Variants in GPC6 observed in about 807,000 individuals in gnomAD.
GPC6 encodes the protein glypican-6.
In GPC6, 14 loss-of-function variants were observed where a neutral mutation model predicts 55.2. The ratio of observed to expected loss-of-function variants is 0.25; its 90% CI spans 0.17 to 0.40. The LOEUF is 0.40. Among genes scored for constraint, GPC6 ranks in the 10% least tolerant of loss-of-function variants. GPC6 has a pLI of 1.00. For missense variants in GPC6, 641 were observed against 708.5 expected (o/e 0.90, Z 1.08); for synonymous variants, 278 against 259.6 (o/e 1.07, Z -0.68).
chr13:93,951,103 G>A (rs1207375513), intron 3 of GPC6, among the ~76,000 whole-genome samples: 1 of 152,048 alleles, frequency 6.6e-6, no homozygotes, highest in Non-Finnish European at 1.5e-5. Context: ...AATTTTAAAT[G>A]TAACTTACAT....
chr13:94,175,945 T>C (rs1168351129), intron 4 of GPC6, among the ~76,000 whole-genome samples: 1 of 105,210 alleles, frequency 9.5e-6, no homozygotes, highest in East Asian at 2.3e-4. Context: ...GCCATATATA[T>C]ATATATATAT....
rs1879720127 is a variant in GPC6, at chr13:94,374,112, G to C, written c.1153-8302G>C. Among the ~76,000 whole-genome samples the C allele has an allele frequency of 2.0e-5, 3 of 151,990 alleles. No individual in the cohort carries two copies. The South Asian group carries it at 6.2e-4, about 32-fold the overall frequency. ...CCGATACCAGCCACTGCAAAATCAT[G>C]CCAAAGTGTAAAGACCATCGAGACT... is the stretch of plus-strand genomic sequence containing the variant. On this transcript the variant is annotated intron_variant, in intron 6 of 8. Coordinates refer to ENST00000377047, the MANE Select transcript of GPC6 (RefSeq NM_005708.5).
intron 1 of GPC6, among the ~76,000 whole-genome samples, chr13:93,283,514 A>T (rs938924860): frequency 6.6e-6 from 1 of 152,176 alleles, no homozygotes; most frequent in Non-Finnish European, 1.5e-5. Context: ...CTAAACTCAT[A>T]TGACAAATGG....
At chr13:93,912,600 T>A (rs369000682) in intron 3 of GPC6, among the ~76,000 whole-genome samples, 8 of 151,882 alleles carry the variant, frequency 5.3e-5, no homozygotes, top group East Asian at 3.9e-4. Context: ...AAAATTAGCC[T>A]GGTGTGGTGG....
chr13:93,510,728 C>T (rs929782991), intron 1 of GPC6, among the ~76,000 whole-genome samples: 2 of 151,384 alleles, frequency 1.3e-5, no homozygotes, highest in African/African-American at 4.8e-5. Context: ...TTTGAATAAT[C>T]TCCACACTGT....
At chr13:93,287,203 G>A (rs1878162143) in intron 1 of GPC6, among the ~76,000 whole-genome samples, 1 of 151,966 alleles carries the variant, frequency 6.6e-6, no homozygotes, top group African/African-American at 2.4e-5. Context: ...TCAGATAAGG[G>A]GTGTTCAATC....
chr13:94,176,889 G>A (rs1400720885), intron 4 of GPC6, among the ~76,000 whole-genome samples: 1 of 152,150 alleles, frequency 6.6e-6, no homozygotes, highest in Admixed American at 6.5e-5. Flanking sequence ...AAGTAACCAA[G>A]AAAGTAGAAC....
At chr13:93,575,100 C>T (rs1876594312) in intron 2 of GPC6, among the ~76,000 whole-genome samples, 1 of 152,036 alleles carries the variant, frequency 6.6e-6, no homozygotes, top group Non-Finnish European at 1.5e-5. Flanking sequence ...TCAAGACAAG[C>T]TTGGGCAACA....
At chr13:94,072,425 A>G (rs539231383) in intron 4 of GPC6, among the ~76,000 whole-genome samples, 1 of 151,958 alleles carries the variant, frequency 6.6e-6, no homozygotes, top group African/African-American at 2.4e-5. Flanking sequence ...CATGATCTCA[A>G]CTCACTGAGC....
At chr13:93,722,272 T>A (rs1247711279) in intron 2 of GPC6, among the ~76,000 whole-genome samples, 4 of 151,800 alleles carry the variant, frequency 2.6e-5, no homozygotes, top group African/African-American at 9.7e-5. Context: ...AGGTTCTACA[T>A]ACAATATTAT....
intron 7 of GPC6, among the ~76,000 whole-genome samples, chr13:94,386,470 A>G (rs1296017846): frequency 6.6e-6 from 1 of 152,064 alleles, no homozygotes; most frequent in Non-Finnish European, 1.5e-5. Flanking sequence ...GGCGCCTATA[A>G]TCTTAACTAC....
chr13:94,049,927 A>G (rs1883880981), intron 4 of GPC6, among the ~76,000 whole-genome samples: 1 of 152,094 alleles, frequency 6.6e-6, no homozygotes, highest in Non-Finnish European at 1.5e-5. Context: ...ATGGTAGTGA[A>G]TAAGTCTCAT....
chr13:94,324,330 AC>A (rs1213930725), intron 6 of GPC6, among the ~76,000 whole-genome samples: 1 of 150,438 alleles, frequency 6.6e-6, no homozygotes, highest in Non-Finnish European at 1.5e-5. Context: ...AAAAAAAAAA[AC>A]TCAAGCCAGA....
chr13:94,039,997 AAT>A (rs1250445067), intron 4 of GPC6, among the ~76,000 whole-genome samples: 2 of 151,986 alleles, frequency 1.3e-5, no homozygotes, highest in East Asian at 3.9e-4. Context: ...CGCTCTCCAA[AAT>A]ATGTTTTTAG....
At chr13:93,828,462 A>C (rs1887350400) in intron 2 of GPC6, among the ~76,000 whole-genome samples, 1 of 152,128 alleles carries the variant, frequency 6.6e-6, no homozygotes, top group Admixed American at 6.6e-5. Flanking sequence ...CTAAAATGAT[A>C]AGCAATATCA....
At chr13:93,912,707 C>T (rs1224542558) in intron 3 of GPC6, among the ~76,000 whole-genome samples, 1 of 152,166 alleles carries the variant, frequency 6.6e-6, no homozygotes, top group Non-Finnish European at 1.5e-5. Flanking sequence ...TGCGCCACTG[C>T]ACTCCAGCCT....
chr13:94,053,552 C>G (rs941962711), intron 4 of GPC6, among the ~76,000 whole-genome samples: 1 of 152,080 alleles, frequency 6.6e-6, no homozygotes, highest in South Asian at 2.1e-4. Context: ...ATGGTAGTTC[C>G]TTAAATCTGA....
chr13:93,236,233 T>A (rs1430138002), intron 1 of GPC6, among the ~76,000 whole-genome samples: 1 of 152,182 alleles, frequency 6.6e-6, no homozygotes, highest in Non-Finnish European at 1.5e-5. Flanking sequence ...TTTTTTGTTA[T>A]TCTTTTAAAT....
intron 1 of GPC6, among the ~76,000 whole-genome samples, chr13:93,421,099 C>T (rs147448624): frequency 1.3e-4 from 20 of 152,066 alleles, no homozygotes; most frequent in African/African-American, 4.6e-4. Flanking sequence ...GCGGCGTGGG[C>T]GGGGGAAGTA....
Sources: allele counts gnomAD v4.1 joint callset (sites outside exome capture counted in the v4.1 genomes callset), GRCh38; gene constraint gnomAD v4.1.1; transcripts MANE v1.5; gene names NCBI Gene and HGNC (gene_info 2026-07-23, HGNC 2026-07-21).